The following CTNNA3 variants were observed in gnomAD, a reference collection of about 807,000 sequenced individuals.
CTNNA3 encodes the protein catenin alpha 3.
CTNNA3 carries 76 observed loss-of-function variants against 95.7 expected under a neutral mutation model. That is an observed-to-expected ratio of 0.79 (90% CI 0.66 to 0.96). The LOEUF is 0.96. Ranked by LOEUF, CTNNA3 falls within the 40% of genes least tolerant of loss-of-function variation. CTNNA3 has a pLI of 0.00. For synonymous variants in CTNNA3, 431 were observed against 374.4 expected (o/e 1.15, Z -1.74); for missense variants, 1,191 against 1,089.8 (o/e 1.09, Z -1.31).
chr10:67,481,259 T>C (rs1057305179), intron 5 of CTNNA3, among the ~76,000 whole-genome samples: 1 of 152,192 alleles, frequency 6.6e-6, no homozygotes, highest in Admixed American at 6.5e-5. Context: ...TTCAGCATAG[T>C]ACTGGAAGTT....
intron 13 of CTNNA3, among the ~76,000 whole-genome samples, chr10:66,137,764 T>C (rs905383134): frequency 2.0e-5 from 3 of 151,922 alleles, no homozygotes; most frequent in Non-Finnish European, 4.4e-5. Flanking sequence ...CTGGGCAACA[T>C]GGCAAAATCC....
chr10:67,450,860 G>C (rs1012114146), intron 5 of CTNNA3, among the ~76,000 whole-genome samples: 16 of 151,760 alleles, frequency 1.1e-4, no homozygotes, highest in African/African-American at 3.9e-4. Context: ...TATATAAATT[G>C]TATGTAATTT....
At chr10:65,967,552 T>TACAG (rs2077999710) in intron 16 of CTNNA3, among the ~76,000 whole-genome samples, 1 of 152,160 alleles carries the variant, frequency 6.6e-6, no homozygotes, top group African/African-American at 2.4e-5. Context: ...ACTTAGCTGT[T>TACAG]ACAGACAAAG....
Position 67,396,327 on chromosome 10 carries a change from C to T in CTNNA3, c.579+125515G>A, listed in dbSNP as rs1018556899. On this transcript the variant is annotated intron_variant, in intron 5 of 17. Transcript: ENST00000433211. ...TTCAAATAAAATATTAAATAAGATG[C>T]TTCTGACATTTGACTAAATTCAATA... is the stretch of plus-strand genomic sequence containing the variant. Among the ~76,000 whole-genome samples the T allele has an allele frequency of 3.3e-5, 5 of 152,156 alleles. No individual in the cohort carries two copies. In the East Asian group the frequency reaches 7.7e-4, roughly 23 times the overall value.
intron 3 of CTNNA3, among the ~76,000 whole-genome samples, chr10:67,558,683 G>A (rs189838763): frequency 6.6e-6 from 1 of 152,380 alleles, no homozygotes; most frequent in African/African-American, 2.4e-5. Flanking sequence ...AGCAGGGCAA[G>A]CATTGCCTCA....
At chr10:66,165,245 C>T (rs993901710) in intron 13 of CTNNA3, among the ~76,000 whole-genome samples, 1 of 151,980 alleles carries the variant, frequency 6.6e-6, no homozygotes, top group Non-Finnish European at 1.5e-5. Context: ...AATGGGGACC[C>T]TATAGCTCAT....
At chr10:66,835,453 G>A (rs1484073901) in intron 7 of CTNNA3, among the ~76,000 whole-genome samples, 1 of 152,210 alleles carries the variant, frequency 6.6e-6, no homozygotes, top group Non-Finnish European at 1.5e-5. Context: ...CCCTCTAGGG[G>A]ATTCTGACTC....
chr10:67,736,229 G>C (rs1397901748), intron 1 of CTNNA3, among the ~76,000 whole-genome samples: 1 of 152,018 alleles, frequency 6.6e-6, no homozygotes, highest in African/African-American at 2.4e-5. Context: ...TTATATGAGA[G>C]ACCTACAGAG....
chr10:66,385,188 T>C (rs972985203), intron 11 of CTNNA3, among the ~76,000 whole-genome samples: 3 of 151,920 alleles, frequency 2.0e-5, no homozygotes, highest in Admixed American at 6.6e-5. Flanking sequence ...ACTGATAGAC[T>C]GCTAGCAAGA....
chr10:67,278,274 A>G (rs753928433), intron 5 of CTNNA3, among the ~76,000 whole-genome samples: 6 of 152,186 alleles, frequency 3.9e-5, no homozygotes, highest in Admixed American at 6.5e-5. Context: ...TCTGAACCAA[A>G]TATGAGTGAC....
chr10:66,295,147 C>G (rs920385093), intron 12 of CTNNA3, among the ~76,000 whole-genome samples: 4 of 152,136 alleles, frequency 2.6e-5, no homozygotes, highest in Non-Finnish European at 2.9e-5. Context: ...GACTGTGGAA[C>G]TCAAAATTAC....
chr10:67,427,812 A>G (rs761369175), intron 5 of CTNNA3, among the ~76,000 whole-genome samples: 1 of 151,992 alleles, frequency 6.6e-6, no homozygotes, highest in African/African-American at 2.4e-5. Context: ...TTCAGTATGC[A>G]TGGGGATGAT....
intron 7 of CTNNA3, among the ~76,000 whole-genome samples, chr10:66,792,447 G>A (rs1841010417): frequency 2.0e-5 from 3 of 151,762 alleles, no homozygotes. Context: ...GTCTAGGTGG[G>A]GCCTAAAATT....
chr10:65,930,441 A>G (rs1447583277), intron 17 of CTNNA3, among the ~76,000 whole-genome samples: 1 of 152,104 alleles, frequency 6.6e-6, no homozygotes, highest in Admixed American at 6.5e-5. Context: ...CAGTCTGTCA[A>G]TTTTCTCCCA....
At chr10:66,414,998 T>C (rs1438150848) in intron 11 of CTNNA3, among the ~76,000 whole-genome samples, 1 of 152,034 alleles carries the variant, frequency 6.6e-6, no homozygotes, top group Non-Finnish European at 1.5e-5. Context: ...GTGGTGCAGG[T>C]GGCATGCATG....
chr10:65,937,541 C>T, intron 17 of CTNNA3, among the ~76,000 whole-genome samples: 1 of 152,046 alleles, frequency 6.6e-6, no homozygotes, highest in Non-Finnish European at 1.5e-5. Context: ...TTATCTAAGT[C>T]ATTTTCCAGG....
chr10:66,079,549 C>A (rs1481609698), intron 14 of CTNNA3, among the ~76,000 whole-genome samples: 4 of 151,648 alleles, frequency 2.6e-5, no homozygotes, highest in Non-Finnish European at 5.9e-5. Context: ...AATATAATTA[C>A]CAGATTTCCC....
At chr10:66,287,768 T>G (rs1460946243) in intron 12 of CTNNA3, among the ~76,000 whole-genome samples, 3 of 152,128 alleles carry the variant, frequency 2.0e-5, no homozygotes, top group Non-Finnish European at 4.4e-5. Context: ...ATGATGGCAT[T>G]ATTTCAGACA....
chr10:66,137,325 T>G (rs1392349299), intron 13 of CTNNA3, among the ~76,000 whole-genome samples: 2 of 152,100 alleles, frequency 1.3e-5, no homozygotes, highest in African/African-American at 4.8e-5. Context: ...TCCAGAATGT[T>G]AGATATTCAA....
Sources: gnomAD v4.1 joint callset for allele counts (sites outside exome capture counted in the v4.1 genomes callset) on GRCh38, gnomAD v4.1.1 for gene constraint, MANE v1.5 for transcripts, NCBI Gene and HGNC (gene_info 2026-07-23, HGNC 2026-07-21) for gene names.